Variants in DXO observed in about 807,000 individuals in gnomAD.
DXO encodes decapping and exoribonuclease protein.
A neutral mutation model predicts 39.8 loss-of-function variants in DXO; 42 were observed. The ratio of observed to expected loss-of-function variants is 1.06; its 90% CI spans 0.83 to 1.37. DXO has a LOEUF of 1.37. Ranked by LOEUF, DXO falls within the 40% of genes most tolerant of loss-of-function variation. The pLI, the probability that DXO is intolerant of heterozygous loss-of-function variation, is 0.00. For synonymous variants in DXO, 193 were observed against 200.4 expected (o/e 0.96, Z 0.31); for missense variants, 495 against 513.0 (o/e 0.96, Z 0.34).
chr6:31,971,765 T>G lies in DXO; in HGVS notation c.-6-84A>C. 1 of 1,405,982 alleles carries G rather than the reference T, an allele frequency of 7.1e-7. No homozygotes were observed. Among genetic ancestry groups the G allele is most frequent in the Non-Finnish European group, 9.4e-7 (1 of 1,059,008 alleles). The allele number at this position is 1,405,982 out of a possible 1,614,324, so 87.1% of individuals were successfully genotyped here. A position where few individuals can be genotyped will look rare whatever the true frequency, so the allele number is the denominator to read the frequency against. ...CTGGTTTAGGACTAAGCGAGCCACC[T>G]GATCGCCAGGCTCTGGCCTTGAAAC... is the stretch of plus-strand genomic sequence containing the variant. On this transcript the variant is annotated intron_variant, in intron 1 of 6. Coordinates refer to ENST00000337523, the MANE Select transcript of DXO (RefSeq NM_005510.4). The surrounding 1 kb of genome is among the most constrained non-coding windows in gnomAD (Gnocchi z 4.5).
At position 31,970,869 on chromosome 6, in the gene DXO, C is replaced by T. The variant is rs1562677960; in HGVS notation, c.592+43G>A. ...AGCAGCAGGCGTGGGGGGCTCTCAA[C>T]CTCTGGGAAGGGGAAGGGGGCTATG... On this transcript the variant is annotated intron_variant, in intron 3 of 6. Transcript: ENST00000337523. The surrounding 1 kb of genome is among the most constrained non-coding windows in gnomAD (Gnocchi z 4.0). 1 of 1,611,508 alleles carries T rather than the reference C, an allele frequency of 6.2e-7. No homozygotes were observed. The highest frequency in any genetic ancestry group is 8.5e-7 in the Non-Finnish European group (1 of 1,178,896).
In DXO at chr6:31,971,000, C is replaced by A; in HGVS notation, c.504G>T (p.Pro168=). The part of the protein sequence containing the change: ...GTLYLSEVET[P]NARAQRLARP... ...GAGCAAGCCTCTGGGCCCGAGCGTT[C>A]GGTGTCTCCACTTCACTCAGGTATA... Residue 168 remains proline, a synonymous_variant, in exon 3 of 7, where the codon CCG becomes CCT. Coordinates refer to ENST00000337523, the MANE Select transcript of DXO (RefSeq NM_005510.4). The surrounding 1 kb of genome is among the most constrained non-coding windows in gnomAD (Gnocchi z 4.0). The A allele has an allele frequency of 1.2e-6, 2 of 1,612,996 alleles. No homozygotes were observed. Among genetic ancestry groups the A allele is most frequent in the African/African-American group, 1.3e-5 (1 of 75,014 alleles).
Position 31,972,094 on chromosome 6 carries a change from A to G in DXO, c.-172T>C. ...GGGGGAGGTGTGAGCTTCACGAAGGAGGTTGACACCAACGTGGCCACCGGC... is the reference window on the plus strand; with the variant it reads ...GGGGGAGGTGTGAGCTTCACGAAGGGGGTTGACACCAACGTGGCCACCGGC... On this transcript the variant is annotated 5_prime_UTR_variant, in exon 1 of 7. Coordinates refer to ENST00000337523, the MANE Select transcript of DXO (RefSeq NM_005510.4). This position sits in a 1 kb window ranked among gnomAD's most constrained non-coding sequence, Gnocchi z 6.3. The G allele has an allele frequency of 6.2e-7, 1 of 1,613,120 alleles. No individual in the cohort carries two copies. The highest frequency in any genetic ancestry group is 8.5e-7 in the Non-Finnish European group (1 of 1,179,854).
In DXO at chr6:31,971,145, C is replaced by A. The variant is rs1773277898; in HGVS notation, c.359G>T (p.Gly120Val). The part of the protein sequence containing the change: ...LLEHRGRLEG[G>V]PGWLAEAIVT... ...TATGGCCTCTGCCAGCCAGCCTGGACCCCTGAGAGGCAGGAGTTACAGGCT... is the reference window on the plus strand; with the variant it reads ...TATGGCCTCTGCCAGCCAGCCTGGAACCCTGAGAGGCAGGAGTTACAGGCT... The change falls in exon 3 of 7, where the codon GGT becomes GTT. Residue 120 changes from glycine to valine, a missense_variant and splice_region_variant. Transcript: ENST00000337523. This position sits in a 1 kb window ranked among gnomAD's most constrained non-coding sequence, Gnocchi z 4.5. 6.2e-7 allele frequency: 1 copy of A among 1,611,962 alleles called. No individual in the cohort carries two copies. The highest frequency in any genetic ancestry group is 8.5e-7 in the Non-Finnish European group (1 of 1,179,516).
rs535219642 is a variant in DXO at position 31,970,853 on chromosome 6, C to T, written c.593-28G>A. The T allele has an allele frequency of 1.4e-5, 22 of 1,611,818 alleles. No individual in the cohort carries two copies. Among genetic ancestry groups the T allele is most frequent in the Middle Eastern group, 1.6e-4 (1 of 6,080 alleles). On this transcript the variant is annotated intron_variant, in intron 3 of 6. Coordinates refer to ENST00000337523, the MANE Select transcript of DXO (RefSeq NM_005510.4). The surrounding 1 kb of genome is among the most constrained non-coding windows in gnomAD (Gnocchi z 4.0). ...GCACAAGGAGAGAAGCAGCAGCAGGCGTGGGGGGCTCTCAACCTCTGGGAA... is the reference window on the plus strand; with the variant it reads ...GCACAAGGAGAGAAGCAGCAGCAGGTGTGGGGGGCTCTCAACCTCTGGGAA...
rs9267786 is a variant in DXO at position 31,970,089 on chromosome 6, G to T, written c.1043+20C>A. On this transcript the variant is annotated intron_variant, in intron 6 of 6. Transcript: ENST00000337523. This position sits in a 1 kb window ranked among gnomAD's most constrained non-coding sequence, Gnocchi z 4.0. ...TGGATCCTGGGATCCAGAGGGGAGG[G>T]ACAGAGCTGAATGCCTCACCTGGGG... is the stretch of plus-strand genomic sequence containing the variant. The T allele has an allele frequency of 0.014, 21,934 of 1,613,890 alleles. 278 individuals carry two copies. The highest frequency in any genetic ancestry group is 0.043 in the African/African-American group (3,257 of 74,980).
Position 31,969,985 on chromosome 6 carries a change from G to C in DXO, c.1083C>G (p.Val361=), listed in dbSNP as rs114879139. Residue 361 remains valine (V), a synonymous_variant, in exon 7 of 7, where the codon GTC becomes GTG. Coordinates refer to ENST00000337523, the MANE Select transcript of DXO (RefSeq NM_005510.4). The surrounding 1 kb of genome is among the most constrained non-coding windows in gnomAD (Gnocchi z 6.1). ...HLFSWEPGGP[V]TVSVHQDAPY... ...GTGCATCTTGGTGTACAGACACGGT[G>C]ACTGGGCCGCCAGGCTCCCAAGAGA... is the stretch of plus-strand genomic sequence containing the variant. The C allele has an allele frequency of 0.013, 21,503 of 1,614,032 alleles. 195 individuals carry two copies. The highest frequency in any genetic ancestry group is 0.016 in the Non-Finnish European group (18,997 of 1,180,006).
Position 31,971,094 on chromosome 6 carries a change from T to C in DXO, c.410A>G (p.Lys137Arg). Residue 137 changes from lysine (K) to arginine (R), a missense_variant, in exon 3 of 7, where the codon AAA (lysine) becomes AGA (arginine). Coordinates refer to ENST00000337523, the MANE Select transcript of DXO (RefSeq NM_005510.4). The surrounding 1 kb of genome is among the most constrained non-coding windows in gnomAD (Gnocchi z 4.5). Reference sequence around the variant, plus strand: ...CCGCTCATACGGTGTCGTCAGCAGTTTTGTCAGGTGCCCCCGCCACGTCAC... The same window carrying C: ...CCGCTCATACGGTGTCGTCAGCAGTCTTGTCAGGTGCCCCCGCCACGTCAC... The part of the protein sequence containing the change: ...AIVTWRGHLT[K>R]LLTTPYERQE... The C allele has an allele frequency of 1.2e-6, 2 of 1,612,788 alleles. No individual in the cohort carries two copies. Among genetic ancestry groups the C allele is most frequent in the Non-Finnish European group, 1.7e-6 (2 of 1,179,962 alleles).
In DXO at chr6:31,969,862, C is replaced by T. The variant is rs372370078; in HGVS notation, c.*15G>A. Reference sequence around the variant, plus strand: ...TCTGCACACAGAGATATGACTGCCTCCCTCTAAAGCATTACTATTTGGGAG... The same window carrying T: ...TCTGCACACAGAGATATGACTGCCTTCCTCTAAAGCATTACTATTTGGGAG... On this transcript the variant is annotated 3_prime_UTR_variant, in exon 7 of 7. Transcript: ENST00000337523. The surrounding 1 kb of genome is among the most constrained non-coding windows in gnomAD (Gnocchi z 6.1). 1 of 1,614,072 alleles carries T rather than the reference C, an allele frequency of 6.2e-7. No homozygotes were observed. Among genetic ancestry groups the T allele is most frequent in the Non-Finnish European group, 8.5e-7 (1 of 1,179,988 alleles).
In DXO at chr6:31,970,722, T is replaced by A; in HGVS notation, c.696A>T (p.Ser232=). ...GGGGGTCTGTGCAGTCTACCTCCCCTGAGAAGAGCAGAGGGTGGCTTCCCA... is the reference window on the plus strand; with the variant it reads ...GGGGGTCTGTGCAGTCTACCTCCCCAGAGAAGAGCAGAGGGTGGCTTCCCA... ...SRLGSHPLLF[S]GEVDCTDPQA... The change falls in exon 4 of 7, where the codon TCA becomes TCT. Residue 232 remains serine, a synonymous_variant. Transcript: ENST00000337523. The surrounding 1 kb of genome is among the most constrained non-coding windows in gnomAD (Gnocchi z 4.0). 6.2e-7 allele frequency: 1 copy of A among 1,612,832 alleles called. No individual in the cohort carries two copies. The highest frequency in any genetic ancestry group is 8.5e-7 in the Non-Finnish European group (1 of 1,179,974).
Position 31,970,161 on chromosome 6 carries a change from AG to A in DXO, c.990del (p.Cys331ValfsTer52), listed in dbSNP as rs1169492744. ...DGWNPSVCMN[F>X]CAAFLSFAQS... ...TGGGCAAAGCTAAGGAAGGCGGCAC[AG>A]AAGTTCATGCACACAGAGGGATTCC... On this transcript the variant is annotated frameshift_variant, in exon 6 of 7. Transcript: ENST00000337523. LOFTEE classifies it high-confidence loss of function. The surrounding 1 kb of genome is among the most constrained non-coding windows in gnomAD (Gnocchi z 4.0). 6.2e-7 allele frequency: 1 copy of A among 1,613,876 alleles called. No homozygotes were observed. Among genetic ancestry groups the A allele is most frequent in the African/African-American group, 1.3e-5 (1 of 74,868 alleles).
Position 31,970,932 on chromosome 6 carries a change from A to C in DXO, c.572T>G (p.Phe191Cys), listed in dbSNP as rs1019441981. 1.2e-6 allele frequency: 2 copies of C among 1,612,762 alleles called. No homozygotes were observed. Among genetic ancestry groups the C allele is most frequent in the African/African-American group, 1.3e-5 (1 of 75,000 alleles). Residue 191 changes from phenylalanine (F) to cysteine (C), a missense_variant, in exon 3 of 7, where the codon TTT (phenylalanine) becomes TGT (cysteine). Coordinates refer to ENST00000337523, the MANE Select transcript of DXO (RefSeq NM_005510.4). This position sits in a 1 kb window ranked among gnomAD's most constrained non-coding sequence, Gnocchi z 4.0. ...LRELMYMGYK[F>C]EQYMCADKPG... ...CTCACCTGCACACATGTACTGCTCA[A>C]ATTTGTATCCCATGTACATAAGCTC...
chr6:31,970,316 G>A lies in DXO; in HGVS notation c.948+27C>T, dbSNP rs745834417. On this transcript the variant is annotated intron_variant, in intron 5 of 6. Transcript: ENST00000337523. This position sits in a 1 kb window ranked among gnomAD's most constrained non-coding sequence, Gnocchi z 4.0. ...GTGGTCTTGGTGTTTGGGGATACGG[G>A]TGGGAGCTGCAACATCGTTCCCTTA... 1.9e-6 allele frequency: 3 copies of A among 1,613,940 alleles called. No individual in the cohort carries two copies. The African/African-American group carries it at 4.0e-5, about 22-fold the overall frequency.
Position 31,971,767 on chromosome 6 carries a change from A to G in DXO, c.-6-86T>C. 7.1e-7 allele frequency: 1 copy of G among 1,402,018 alleles called. No homozygotes were observed. The highest frequency in any genetic ancestry group is 9.5e-7 in the Non-Finnish European group (1 of 1,055,812). The allele number at this position is 1,402,018 out of a possible 1,614,324, so 86.8% of individuals were successfully genotyped here. A position where few individuals can be genotyped will look rare whatever the true frequency, so the allele number is the denominator to read the frequency against. On this transcript the variant is annotated intron_variant, in intron 1 of 6. Transcript: ENST00000337523. This position sits in a 1 kb window ranked among gnomAD's most constrained non-coding sequence, Gnocchi z 4.5. ...GGTTTAGGACTAAGCGAGCCACCTG[A>G]TCGCCAGGCTCTGGCCTTGAAACAT...
At position 31,970,576 on chromosome 6, in the gene DXO, GCT is replaced by G. The variant is rs765888936; in HGVS notation, c.812+28_812+29del. On this transcript the variant is annotated intron_variant, in intron 4 of 6. Transcript: ENST00000337523. The surrounding 1 kb of genome is among the most constrained non-coding windows in gnomAD (Gnocchi z 4.0). The stretch of plus-strand genomic sequence containing the variant: ...TCCCTTTCCCAGCCTTCAAGCCTAA[GCT>G]CTCGCCCTGCCCACCCCGATCCTGA... The G allele has an allele frequency of 2.9e-5, 47 of 1,612,546 alleles. No homozygotes were observed. The highest frequency in any genetic ancestry group is 3.7e-5 in the Non-Finnish European group (44 of 1,179,164).
At position 31,971,203 on chromosome 6, in the gene DXO, C is replaced by T; in HGVS notation, c.357-56G>A. Reference sequence around the variant, plus strand: ...TGACACAAGCATTAGTGAGATGCTCCCCTCGAAGAATAGTCTTGTTTCTTC... The same window carrying T: ...TGACACAAGCATTAGTGAGATGCTCTCCTCGAAGAATAGTCTTGTTTCTTC... On this transcript the variant is annotated intron_variant, in intron 2 of 6. Coordinates refer to ENST00000337523, the MANE Select transcript of DXO (RefSeq NM_005510.4). The surrounding 1 kb of genome is among the most constrained non-coding windows in gnomAD (Gnocchi z 4.5). 3.2e-6 allele frequency: 5 copies of T among 1,582,430 alleles called. No homozygotes were observed. The highest frequency in any genetic ancestry group is 4.3e-6 in the Non-Finnish European group (5 of 1,161,824).
rs1773139027 is a variant in DXO, at chr6:31,970,247, GGT to G, written c.949-46_949-45del. ...GAGGCAGAAGATGGGCAGTGGGGGTGGTGGGAGGAGAGAAGGCAGGCTGTTGC... is the reference window on the plus strand; with the variant it reads ...GAGGCAGAAGATGGGCAGTGGGGGTGGGGAGGAGAGAAGGCAGGCTGTTGC... On this transcript the variant is annotated intron_variant, in intron 5 of 6. Transcript: ENST00000337523. The surrounding 1 kb of genome is among the most constrained non-coding windows in gnomAD (Gnocchi z 4.0). The G allele has an allele frequency of 6.2e-7, 1 of 1,613,826 alleles. No homozygotes were observed. Among genetic ancestry groups the G allele is most frequent in the Non-Finnish European group, 8.5e-7 (1 of 1,179,902 alleles).
chr6:31,971,090 C>T lies in DXO; in HGVS notation c.414G>A (p.Leu138=). Reference sequence around the variant, plus strand: ...CCTGCCGCTCATACGGTGTCGTCAGCAGTTTTGTCAGGTGCCCCCGCCACG... The same window carrying T: ...CCTGCCGCTCATACGGTGTCGTCAGTAGTTTTGTCAGGTGCCCCCGCCACG... ...IVTWRGHLTK[L]LTTPYERQEG... is the part of the protein sequence containing the mutation. Residue 138 remains leucine, a synonymous_variant, in exon 3 of 7, where the codon CTG becomes CTA. Coordinates refer to ENST00000337523, the MANE Select transcript of DXO (RefSeq NM_005510.4). The surrounding 1 kb of genome is among the most constrained non-coding windows in gnomAD (Gnocchi z 4.5). 1 of 1,612,916 alleles carries T rather than the reference C, an allele frequency of 6.2e-7. No individual in the cohort carries two copies. Among genetic ancestry groups the T allele is most frequent in the Non-Finnish European group, 8.5e-7 (1 of 1,179,992 alleles).
rs1329784369 is a variant in DXO at position 31,970,981 on chromosome 6, G to A, written c.523C>T (p.Leu175Phe). The A allele has an allele frequency of 1.2e-6, 2 of 1,612,902 alleles. No homozygotes were observed. The highest frequency in any genetic ancestry group is 1.7e-6 in the Non-Finnish European group (2 of 1,180,024). ...VETPNARAQRLARPPLLRELM... is the reference protein window; with the variant it reads ...VETPNARAQRFARPPLLRELM... ...TCCCGGAGGAGCGGTGGCCGAGCAA[G>A]CCTCTGGGCCCGAGCGTTCGGTGTC... is the stretch of plus-strand genomic sequence containing the variant. Residue 175 changes from leucine to phenylalanine, a missense_variant, in exon 3 of 7, where the codon CTT becomes TTT. Physicochemically the swap from Leu to Phe is conservative, Grantham distance 22 (BLOSUM62 0). Transcript: ENST00000337523. The surrounding 1 kb of genome is among the most constrained non-coding windows in gnomAD (Gnocchi z 4.0).
Sources: allele counts gnomAD v4.1 joint callset, GRCh38; gene constraint gnomAD v4.1.1; non-coding constraint Gnocchi (gnomAD v3.1); transcripts MANE v1.5; gene names NCBI Gene and HGNC (gene_info 2026-07-23, HGNC 2026-07-21).